Variants in MARVELD3 observed in about 807,000 individuals in gnomAD.
The protein encoded by MARVELD3 is MARVEL domain containing 3.
MARVELD3 carries 28 observed loss-of-function variants against 33.5 expected under a neutral mutation model. The ratio of observed to expected loss-of-function variants is 0.84; its 90% CI spans 0.62 to 1.15. MARVELD3 has a LOEUF of 1.15. Ranked by LOEUF, MARVELD3 falls within the 50% of genes most tolerant of loss-of-function variation. The probability of loss-of-function intolerance (pLI) is 0.00; values close to 1 mark genes in which losing one functional copy is unlikely to be tolerated. For synonymous variants in MARVELD3, 241 were observed against 230.4 expected, an observed-to-expected ratio of 1.05 and a Z score of -0.42; for missense variants, 582 against 547.6, an observed-to-expected ratio of 1.06 and a Z score of -0.63.
chr16:71,633,228 T>G (rs9939458), intron 2 of MARVELD3, among the ~76,000 whole-genome samples: 129,014 of 151,826 alleles, frequency 0.85, 55,007 homozygotes, highest in East Asian at 0.99. Flanking sequence ...CAGGCCCAGG[T>G]TCATGCATTT....
intron 1 of MARVELD3, among the ~76,000 whole-genome samples, chr16:71,628,093 AAAAC>A (rs1378187901): frequency 6.6e-6 from 1 of 152,200 alleles, no homozygotes; most frequent in Non-Finnish European, 1.5e-5. Context: ...TACATTATCT[AAAAC>A]TAACTAGCAT....
downstream of MARVELD3, among the ~76,000 whole-genome samples, chr16:71,637,299 G>A (rs556595036): frequency 3.2e-4 from 49 of 152,228 alleles, no homozygotes; most frequent in African/African-American, 1.1e-3. Flanking sequence ...TTTTGAATCC[G>A]TCCCAGAGGA....
rs2044579699 is a variant in MARVELD3, at chr16:71,636,129, A to T, written c.*1326A>T. The T allele has an allele frequency of 1.0e-6, 1 of 985,152 alleles. No individual in the cohort carries two copies. The highest frequency in any genetic ancestry group is 6.1e-5 in the Admixed American group (1 of 16,264). The allele number at this position is 985,152 out of a possible 1,614,324, so 61.0% of individuals were successfully genotyped here. A position where few individuals can be genotyped will look rare whatever the true frequency, so the allele number is the denominator to read the frequency against. On this transcript the variant is annotated 3_prime_UTR_variant, in exon 3 of 3. Coordinates refer to ENST00000268485, the MANE Select transcript of MARVELD3 (RefSeq NM_052858.6). ...GTCCTTAAGTTATGACTTATGGAACATTACAATATATTCTCGGTCCAAGTG... is the reference window on the plus strand; with the variant it reads ...GTCCTTAAGTTATGACTTATGGAACTTTACAATATATTCTCGGTCCAAGTG...
In MARVELD3 at chr16:71,626,487, C is replaced by T; in HGVS notation, c.258C>T (p.Asp86=). Residue 86 remains aspartate, a synonymous_variant, in exon 1 of 3, where the codon GAC becomes GAT. Transcript: ENST00000268485. The surrounding 1 kb of genome is among the most constrained non-coding windows in gnomAD (Gnocchi z 5.3). ...AGAGAGAGAGGGAAAGAGACCCGGACCGAGGCCCCCGCCGGGACACACACA... is the reference window on the plus strand; with the variant it reads ...AGAGAGAGAGGGAAAGAGACCCGGATCGAGGCCCCCGCCGGGACACACACA... ...ERERERERDP[D]RGPRRDTHRD... 2 of 1,549,664 alleles carry T rather than the reference C, an allele frequency of 1.3e-6. No individual in the cohort carries two copies. The highest frequency in any genetic ancestry group is 1.7e-6 in the Non-Finnish European group (2 of 1,146,806).
At chr16:71,628,409 C>A (rs746448566) in intron 1 of MARVELD3, among the ~76,000 whole-genome samples, 1 of 152,008 alleles carries the variant, frequency 6.6e-6, no homozygotes, top group East Asian at 1.9e-4. Context: ...CGGTGGCGCA[C>A]GCCTGTAATC....
chr16:71,638,616 A>G (rs112701262), downstream of MARVELD3: 18 of 152,336 alleles, frequency 1.2e-4, no homozygotes, highest in Non-Finnish European at 2.5e-4. Context: ...AATTTTTTAG[A>G]AACTTTTCGT....
In MARVELD3 at chr16:71,634,579, C is replaced by T. The variant is rs2044565528; in HGVS notation, c.982C>T (p.Leu328Phe). The change falls in exon 3 of 3, where the codon CTC becomes TTC. Residue 328 changes from leucine to phenylalanine, a missense_variant. Physicochemically the swap from Leu to Phe is conservative, Grantham distance 22. Transcript: ENST00000268485. ...GGCCTTGTACTTCTACTTCCACTAC[C>T]TCTCTGCTGCCTATGGCTCTCCTGT... ...IPALYFYFHYLSAAYGSPVCK... is the reference protein window; with the variant it reads ...IPALYFYFHYFSAAYGSPVCK... 8.1e-6 allele frequency: 13 copies of T among 1,614,186 alleles called. No homozygotes were observed. The highest frequency in any genetic ancestry group is 1.1e-5 in the Non-Finnish European group (13 of 1,180,038).
intron 2 of MARVELD3, among the ~76,000 whole-genome samples, chr16:71,631,390 C>T (rs2044530877): frequency 6.6e-6 from 1 of 152,050 alleles, no homozygotes; most frequent in African/African-American, 2.4e-5. Flanking sequence ...GCAATTGTTA[C>T]ATTGCATGTT....
At chr16:71,640,787 C>G, downstream of MARVELD3, 16 of 1,614,190 alleles carry the variant, frequency 9.9e-6, no homozygotes, top group Non-Finnish European at 1.2e-5. Flanking sequence ...TCAATAGCAC[C>G]GACACTTGCA....
At position 71,626,433 on chromosome 16, in the gene MARVELD3, C is replaced by T. The variant is rs1322856425; in HGVS notation, c.204C>T (p.Asn68=). 1.9e-6 allele frequency: 3 copies of T among 1,548,270 alleles called. No homozygotes were observed. In the Admixed American group the frequency reaches 5.9e-5, roughly 30 times the overall value. ...AGAGAGACCAGGAGAGGGACGGGAA[C>T]CGCGACCGGAACCGGGACCGGGAGA... ...DPERDQERDG[N]RDRNRDRERE... Residue 68 remains asparagine, a synonymous_variant, in exon 1 of 3, where the codon AAC becomes AAT. Transcript: ENST00000268485. This position sits in a 1 kb window ranked among gnomAD's most constrained non-coding sequence, Gnocchi z 5.3.
At position 71,636,246 on chromosome 16, in the gene MARVELD3, C is replaced by A. The variant is rs1661274861; in HGVS notation, c.*1443C>A. 2.7e-6 allele frequency: 2 copies of A among 733,612 alleles called. No homozygotes were observed. The highest frequency in any genetic ancestry group is 6.3e-5 in the Admixed American group (1 of 15,918). The allele number at this position is 733,612 out of a possible 1,614,324, so 45.4% of individuals were successfully genotyped here. On this transcript the variant is annotated 3_prime_UTR_variant, in exon 3 of 3. Transcript: ENST00000268485. ...CTCTTTACAATACATTTATAATATT[C>A]TCTTAAATACAGACAATTTTTCACA...
exon 3 of MARVELD3, chr16:71,641,788 T>C (rs1252916291): frequency 6.6e-6 from 1 of 152,130 alleles, no homozygotes; most frequent in African/African-American, 2.4e-5. Flanking sequence ...GATAGGACAG[T>C]AGATTTTATT....
chr16:71,638,593 C>A (rs1344347748), downstream of MARVELD3: 3 of 152,168 alleles, frequency 2.0e-5, no homozygotes, highest in Non-Finnish European at 4.4e-5. Flanking sequence ...CAGTTTATAT[C>A]TTATGTCATT....
At chr16:71,641,336 C>A (rs1431157921), downstream of MARVELD3, 2 of 280,264 alleles carry the variant, frequency 7.1e-6, no homozygotes, top group Non-Finnish European at 1.4e-5. Context: ...GCCTGTAATC[C>A]CAGCACTTTA....
At chr16:71,641,108 T>C (rs779667480), downstream of MARVELD3, 395 of 1,479,632 alleles carry the variant, frequency 2.7e-4, no homozygotes, top group Non-Finnish European at 3.5e-4. Context: ...TAGACAACTA[T>C]GGTTTTCACA....
chr16:71,633,858 G>A (rs1567605305), intron 2 of MARVELD3, among the ~76,000 whole-genome samples: 2 of 152,086 alleles, frequency 1.3e-5, no homozygotes, highest in Non-Finnish European at 1.5e-5. Context: ...TTCTGGTGGT[G>A]GGAGGTGGAA....
chr16:71,628,189 G>A (rs1390046242), intron 1 of MARVELD3, among the ~76,000 whole-genome samples: 1 of 152,222 alleles, frequency 6.6e-6, no homozygotes, highest in Admixed American at 6.5e-5. Context: ...CATTGCACTT[G>A]CAACTGCAGG....
downstream of MARVELD3, chr16:71,640,811 G>T: frequency 6.2e-7 from 1 of 1,614,238 alleles, no homozygotes. Context: ...CAAGAGAGAG[G>T]CTCTATGCCC....
chr16:71,629,424 G>A lies in MARVELD3; in HGVS notation c.525G>A (p.Val175=), dbSNP rs775122468. The change falls in exon 2 of 3, where the codon GTG becomes GTA. Residue 175 remains valine (V), a synonymous_variant. Coordinates refer to ENST00000268485, the MANE Select transcript of MARVELD3 (RefSeq NM_052858.6). ...CCCCCAGGCCTGGACGAGAGGAGGT[G>A]GAATATTACCAGTCAGAGGCGGAAG... ...PSTPRPGREE[V]EYYQSEAEGL... is the part of the protein sequence containing the mutation. The A allele has an allele frequency of 5.1e-6, 8 of 1,583,538 alleles. No homozygotes were observed. Among genetic ancestry groups the A allele is most frequent in the African/African-American group, 1.4e-5 (1 of 72,894 alleles).
Sources: gnomAD v4.1 joint callset for allele counts (sites outside exome capture counted in the v4.1 genomes callset) on GRCh38, gnomAD v4.1.1 for gene constraint, Gnocchi (gnomAD v3.1) non-coding constraint, MANE v1.5 for transcripts, NCBI Gene and HGNC (gene_info 2026-07-23, HGNC 2026-07-21) for gene names.